NOTCH1: variants seen among roughly 807,000 people sequenced by gnomAD.
NOTCH1 encodes the protein neurogenic locus notch homolog protein 1.
Under a neutral mutation model 254.8 loss-of-function variants are expected in NOTCH1, and 37 were observed. The ratio of observed to expected loss-of-function variants is 0.15; its 90% CI spans 0.11 to 0.19. The LOEUF is 0.19. NOTCH1 is among the 10% of genes least tolerant of loss of function. The probability of loss-of-function intolerance (pLI) is 1.00; values close to 1 mark genes in which losing one functional copy is unlikely to be tolerated. For synonymous variants in NOTCH1, 1,731 were observed against 1,618.1 expected (o/e 1.07, Z -1.68); for missense variants, 2,972 against 3,708.6 (o/e 0.80, Z 5.16).
chr9:136,541,402 C>G (rs558752235), intron 2 of NOTCH1, among the ~76,000 whole-genome samples: 1 of 152,336 alleles, frequency 6.6e-6, no homozygotes, highest in East Asian at 1.9e-4. Context: ...GACCATGCCC[C>G]TTCTACAGCG....
intron 2 of NOTCH1, among the ~76,000 whole-genome samples, chr9:136,533,683 C>G (rs995189747): frequency 6.6e-6 from 1 of 152,264 alleles, no homozygotes; most frequent in Non-Finnish European, 1.5e-5. Flanking sequence ...TTGTCTGAGG[C>G]TTGGGTGGGG....
rs1037236860 is a variant in NOTCH1 at position 136,518,187 on chromosome 9, G to A, written c.1205C>T (p.Ser402Leu). ...GCTGCAGGCCGGGCCCGTGTACCCC[G>A]AGGGGCAGGTGCAGATGGCCTTGCC... Reference protein sequence around the residue: ...VNGKAICTCPSGYTGPACSQD... With the variant: ...VNGKAICTCPLGYTGPACSQD... Residue 402 changes from serine to leucine, a missense_variant, in exon 7 of 34, where the codon TCG becomes TTG. Ser to Leu is a moderately radical substitution (Grantham distance 145). This residue lies in a region of NOTCH1 where 90 missense variants were observed against 183.6 expected (regional missense o/e 0.49). Transcript: ENST00000651671. The A allele has an allele frequency of 7.5e-6, 12 of 1,603,232 alleles. No homozygotes were observed. The highest frequency in any genetic ancestry group is 2.7e-5 in the African/African-American group (2 of 74,776).
At position 136,508,891 on chromosome 9, in the gene NOTCH1, G is replaced by T. The variant is rs1060504523; in HGVS notation, c.3150C>A (p.Gly1050=). 7 of 1,547,972 alleles carry T rather than the reference G, an allele frequency of 4.5e-6. No homozygotes were observed. The highest frequency in any genetic ancestry group is 6.1e-6 in the Non-Finnish European group (7 of 1,146,592). Residue 1050 remains glycine, a synonymous_variant, in exon 19 of 34, where the codon GGC becomes GGA. Transcript: ENST00000651671. ...CGSYRCTCPQ[G]YTGPNCQNLV... is the part of the protein sequence containing the mutation. ...TCACCTGGCAGTTGGGGCCAGTGTA[G>T]CCCTGGGGGCAGGTGCACCTGTAGG...
rs2133331547 is a variant in NOTCH1, at chr9:136,502,418, A to T, written c.5238T>A (p.Leu1746=). ...GCACCCCGCAGCCCACGAAGAACAG[A>T]AGCACAAAGGCGGCCGCCGCCACGT... ...FMYVAAAAFV[L]LFFVGCGVLL... Residue 1746 remains leucine, a synonymous_variant, in exon 28 of 34, where the codon CTT becomes CTA. Coordinates refer to ENST00000651671, the MANE Select transcript of NOTCH1 (RefSeq NM_017617.5). 1 of 1,610,960 alleles carries T rather than the reference A, an allele frequency of 6.2e-7. No homozygotes were observed. Among genetic ancestry groups the T allele is most frequent in the Non-Finnish European group, 8.5e-7 (1 of 1,179,318 alleles).
In NOTCH1 at chr9:136,505,419, A is replaced by G. The variant is rs749283347; in HGVS notation, c.4477T>C (p.Ser1493Pro). The change falls in exon 25 of 34, where the codon TCT becomes CCT. Residue 1493 changes from serine (S) to proline (P), a missense_variant. Physicochemically the swap from Ser to Pro is moderately conservative, Grantham distance 74. Coordinates refer to ENST00000651671, the MANE Select transcript of NOTCH1 (RefSeq NM_017617.5). ...FNDPWKNCTQ[S>P]LQCWKYFSDG... Reference sequence around the variant, plus strand: ...CTGAAGTACTTCCAGCACTGCAGAGACTGCGTGCAGTTCTTCCAGGGGTCA... The same window carrying G: ...CTGAAGTACTTCCAGCACTGCAGAGGCTGCGTGCAGTTCTTCCAGGGGTCA... The G allele has an allele frequency of 5.0e-6, 8 of 1,612,828 alleles. No homozygotes were observed. Among genetic ancestry groups the G allele is most frequent in the South Asian group, 1.1e-5 (1 of 91,084 alleles).
At chr9:136,539,095 G>A (rs1366526359) in intron 2 of NOTCH1, among the ~76,000 whole-genome samples, 5 of 152,312 alleles carry the variant, frequency 3.3e-5, no homozygotes, top group East Asian at 1.9e-4. Context: ...GGGGGTCCCC[G>A]CACCCAGCTC....
At chr9:136,510,858 C>T (rs1020803924) in intron 16 of NOTCH1, 53 bp from the exon 17 acceptor site, 10 of 1,599,392 alleles carry the variant, frequency 6.3e-6, no homozygotes, top group African/African-American at 2.7e-5. Context: ...GCCCTCCAGG[C>T]CCTTCCCAGG....
chr9:136,497,044 T>C lies in NOTCH1; in HGVS notation c.6695A>G (p.Asn2232Ser), dbSNP rs1303858717. 1 of 1,609,450 alleles carries C rather than the reference T, an allele frequency of 6.2e-7. No individual in the cohort carries two copies. The highest frequency in any genetic ancestry group is 8.5e-7 in the Non-Finnish European group (1 of 1,178,240). The change falls in exon 34 of 34, where the codon AAC (asparagine) becomes AGC (serine). Residue 2232 changes from asparagine (N) to serine (S), a missense_variant. This residue lies in a region of NOTCH1 where 529 missense variants were observed against 529.2 expected (regional missense o/e 1.00). Transcript: ENST00000651671. ...PFQQSPSVPL[N>S]HLPGMPDTHL... ...GGTGTCGGGCATCCCAGGCAGGTGG[T>C]TGAGGGGCACGGACGGAGACTGCTG...
intron 31 of NOTCH1, 103 bp downstream of exon 31, chr9:136,500,449 T>C (rs1842977406): frequency 1.7e-5 from 24 of 1,425,450 alleles, no homozygotes; most frequent in Non-Finnish European, 2.3e-5. Flanking sequence ...GACTCAGCTG[T>C]GCTCGGGGTC....
In NOTCH1 at chr9:136,505,020, G is replaced by A. The variant is rs757602593; in HGVS notation, c.4671C>T (p.Asp1557=). The change falls in exon 26 of 34, where the codon GAC becomes GAT. Residue 1557 remains aspartate (D), a synonymous_variant. Transcript: ENST00000651671. ...GTACATGCTCCGCACAGTCCAGCCC[G>A]TCCCACTCGCACTCCGCGCTGTTGC... ...QGCNSAECEW[D]GLDCAEHVPE... is the part of the protein sequence containing the mutation. 1.5e-5 allele frequency: 24 copies of A among 1,606,286 alleles called. No individual in the cohort carries two copies. The highest frequency in any genetic ancestry group is 6.7e-5 in the South Asian group (6 of 89,716).
intron 13 of NOTCH1, among the ~76,000 whole-genome samples, chr9:136,514,306 G>A (rs1328832554): frequency 2.6e-5 from 4 of 152,196 alleles, no homozygotes; most frequent in African/African-American, 7.2e-5. Flanking sequence ...ACAAGGACAC[G>A]CAGCACACAG....
At chr9:136,524,784 C>T (rs768461177) in intron 2 of NOTCH1, among the ~76,000 whole-genome samples, 2 of 151,964 alleles carry the variant, frequency 1.3e-5, no homozygotes, top group Non-Finnish European at 2.9e-5. Context: ...ACTACAGGCA[C>T]CTGACACCAT....
At chr9:136,528,400 G>A (rs1843504118) in intron 2 of NOTCH1, among the ~76,000 whole-genome samples, 1 of 14,400 alleles carries the variant, frequency 6.9e-5, no homozygotes, top group Admixed American at 7.6e-4. Flanking sequence ...AGTGGGGGGG[G>A]ATGGGCAGGG....
At chr9:136,514,748 T>C in intron 12 of NOTCH1, 46 bp from the exon 13 acceptor site, 2 of 1,581,446 alleles carry the variant, frequency 1.3e-6, no homozygotes, top group South Asian at 1.1e-5. Context: ...GCCCAGGGGG[T>C]CCCACCCACG....
rs572864450 is a variant in NOTCH1, at chr9:136,544,332, G to C, written c.62-230C>G. Among the ~76,000 whole-genome samples the C allele has an allele frequency of 2.9e-3, 447 of 152,332 alleles. 2 individuals carry two copies. The highest frequency in any genetic ancestry group is 0.01 in the African/African-American group (429 of 41,576). Reference sequence around the variant, plus strand: ...TGCCCAGAGTTCTGTAGTCAGAAATGGGGGGAAGGGGAGCAGCAGGGAACA... The same window carrying C: ...TGCCCAGAGTTCTGTAGTCAGAAATCGGGGGAAGGGGAGCAGCAGGGAACA... On this transcript the variant is annotated intron_variant, in intron 1 of 33. Transcript: ENST00000651671.
chr9:136,505,151 G>C (rs766714178), intron 25 of NOTCH1, 47 bp from the exon 26 acceptor site: 1 of 1,566,678 alleles, frequency 6.4e-7, no homozygotes, highest in Non-Finnish European at 8.7e-7. Flanking sequence ...GGGGGGCCTC[G>C]CACCCGCCGT....
intron 2 of NOTCH1, among the ~76,000 whole-genome samples, chr9:136,530,785 TG>T (rs1843547079): frequency 6.6e-6 from 1 of 152,238 alleles, no homozygotes; most frequent in African/African-American, 2.4e-5. Flanking sequence ...GCCGGGGCTC[TG>T]CTCCCAAGAA....
intron 31 of NOTCH1, among the ~76,000 whole-genome samples, chr9:136,500,087 A>G (rs1366859060): frequency 6.6e-6 from 1 of 152,062 alleles, no homozygotes; most frequent in East Asian, 1.9e-4. Context: ...CCCTAAATCC[A>G]TTCTTGCCAC....
chr9:136,543,337 G>A (rs1355800427), intron 2 of NOTCH1: 3 of 231,870 alleles, frequency 1.3e-5, no homozygotes, highest in African/African-American at 7.3e-5. Context: ...ACCTAGAGGA[G>A]GTATCACCAC....
Sources: gnomAD v4.1 joint callset for allele counts (sites outside exome capture counted in the v4.1 genomes callset) on GRCh38, gnomAD v4.1.1 for gene constraint, gnomAD v4.1.1 regional missense constraint, MANE v1.5 for transcripts, NCBI Gene and HGNC (gene_info 2026-07-23, HGNC 2026-07-21) for gene names.